Variants in LIN7B observed in about 807,000 individuals in gnomAD.
LIN7B encodes the protein lin-7 cell polarity scaffold B.
Under a neutral mutation model 27.9 loss-of-function variants are expected in LIN7B, and 16 were observed. The ratio of observed to expected loss-of-function variants is 0.57; its 90% CI spans 0.39 to 0.87. The LOEUF (loss-of-function observed/expected upper bound fraction) is 0.87, where lower values mean the gene tolerates loss of function less well. LIN7B is among the 40% of genes least tolerant of loss of function. The pLI is 0.00. For missense variants in LIN7B, 291 were observed against 288.5 expected (o/e 1.01, Z -0.06); for synonymous variants, 147 against 120.8 (o/e 1.22, Z -1.42).
In LIN7B at chr19:49,114,431, G is replaced by A; in HGVS notation, c.27G>A (p.Gly9=). 1 of 1,207,526 alleles carries A rather than the reference G, an allele frequency of 8.3e-7. No homozygotes were observed. The highest frequency in any genetic ancestry group is 3.4e-5 in the East Asian group (1 of 29,294). The allele number at this position is 1,207,526 out of a possible 1,614,324, so 74.8% of individuals were successfully genotyped here. A position where few individuals can be genotyped will look rare whatever the true frequency, so the allele number is the denominator to read the frequency against. The change falls in exon 1 of 6, where the codon GGG becomes GGA. Residue 9 remains glycine (G), a synonymous_variant. Coordinates refer to ENST00000221459, the MANE Select transcript of LIN7B (RefSeq NM_022165.3). The part of the protein sequence containing the change: MAALVEPL[G]LERDVSRAVE... ...TGGCTGCGCTGGTGGAGCCGCTGGG[G>A]CTGGAGCGGGGTAAGCGTGCGCCAG...
At chr19:49,115,088 G>C (rs919339721) in intron 2 of LIN7B, 121 bp downstream of exon 2, 3 of 888,352 alleles carry the variant, frequency 3.4e-6, no homozygotes, top group Admixed American at 3.7e-5. Context: ...CCGCCTTGGG[G>C]TGCCAACGCT....
chr19:49,115,623 G>A, intron 3 of LIN7B: 2 of 295,552 alleles, frequency 6.8e-6, no homozygotes, highest in South Asian at 1.1e-4. Flanking sequence ...ACAATAGTTA[G>A]ATGCTGCTAC....
At chr19:49,118,044 T>C (rs751781490) in intron 5 of LIN7B, 26 bp downstream of exon 5, 2 of 1,612,402 alleles carry the variant, frequency 1.2e-6, no homozygotes, top group South Asian at 2.2e-5. Flanking sequence ...ACCACACCCC[T>C]GGGGCCTCCA....
At chr19:49,115,118 G>A (rs1047572465) in intron 2 of LIN7B, 142 bp from the exon 3 acceptor site, 7 of 917,686 alleles carry the variant, frequency 7.6e-6, no homozygotes, top group Non-Finnish European at 9.4e-6. Flanking sequence ...GGGTTCTTCG[G>A]GAGTTGTAGT....
intron 4 of LIN7B, 129 bp downstream of exon 4, chr19:49,116,601 C>T (rs542533544): frequency 4.5e-6 from 4 of 882,222 alleles, no homozygotes; most frequent in Non-Finnish European, 6.9e-6. Context: ...GGCAATGTTA[C>T]AGACTCTGAG....
rs1338856819 is a variant in LIN7B, at chr19:49,114,868, G to A, written c.57G>A (p.Glu19=). 6.8e-7 allele frequency: 1 copy of A among 1,469,232 alleles called. No homozygotes were observed. The highest frequency in any genetic ancestry group is 2.4e-5 in the Admixed American group (1 of 41,582). 91.0% of individuals were successfully genotyped at this position (1,469,232 alleles called of 1,614,324 possible). ...GLERDVSRAV[E]LLERLQRSGE... ...CCGCAGACGTGTCCCGGGCGGTTGA[G>A]CTCCTCGAGCGGCTCCAGCGCAGCG... The change falls in exon 2 of 6, where the codon GAG becomes GAA. Residue 19 remains glutamate (E), a synonymous_variant. Transcript: ENST00000221459.
chr19:49,117,782 G>T, intron 4 of LIN7B, 73 bp from the exon 5 acceptor site: 1 of 1,365,314 alleles, frequency 7.3e-7, no homozygotes, highest in Non-Finnish European at 1.0e-6. Flanking sequence ...ACTAGCAGTG[G>T]GTCCCATCTC....
rs1445787894 is a variant in LIN7B, at chr19:49,116,459, C to T, written c.425C>T (p.Ser142Leu). The change falls in exon 4 of 6, where the codon TCG becomes TTG. Residue 142 changes from serine (S) to leucine (L), a missense_variant. Transcript: ENST00000221459. ...CTCAAGCGTGGGGATCAACTGTTGT[C>T]GGTGAACGGTGTGGTGAGTGGAGGG... ...GGLKRGDQLLSVNGVSVEGEQ... is the reference protein window; with the variant it reads ...GGLKRGDQLLLVNGVSVEGEQ... The T allele has an allele frequency of 3.4e-5, 55 of 1,613,910 alleles. No individual in the cohort carries two copies. Among genetic ancestry groups the T allele is most frequent in the African/African-American group, 9.3e-5 (7 of 75,054 alleles).
intron 2 of LIN7B, 133 bp from the exon 3 acceptor site, chr19:49,115,126 AG>A: frequency 6.5e-6 from 6 of 928,832 alleles, no homozygotes; most frequent in Non-Finnish European, 9.2e-6. Context: ...CGGGAGTTGT[AG>A]TTTTCTCGGC....
intron 3 of LIN7B, 191 bp from the exon 4 acceptor site, chr19:49,116,072 C>A: frequency 1.8e-6 from 1 of 564,992 alleles, no homozygotes; most frequent in Non-Finnish European, 3.1e-6. Context: ...CAAATGGACA[C>A]TTTCTCTTGC....
Position 49,117,927 on chromosome 19 carries a change from G to C in LIN7B, c.511G>C (p.Val171Leu), listed in dbSNP as rs569310243. ...GGCCCAGGGCTCGGTGAAGCTGGTTGTCCGTTACACACCGCGAGTGCTGGA... is the reference window on the plus strand; with the variant it reads ...GGCCCAGGGCTCGGTGAAGCTGGTTCTCCGTTACACACCGCGAGTGCTGGA... ...KAAQGSVKLV[V>L]RYTPRVLEEM... is the part of the protein sequence containing the mutation. The change falls in exon 5 of 6, where the codon GTC becomes CTC. Residue 171 changes from valine to leucine, a missense_variant. Transcript: ENST00000221459. The C allele has an allele frequency of 1.4e-5, 23 of 1,614,124 alleles. No individual in the cohort carries two copies. In the South Asian group the frequency reaches 2.4e-4, roughly 17 times the overall value.
At position 49,118,414 on chromosome 19, in the gene LIN7B, C is replaced by G. The variant is rs1568429685; in HGVS notation, c.*41C>G. ...CGTTCACGTGCACTCTCTTCCTGTA[C>G]AGTATTTATTGTTCCTGGCACTTTA... On this transcript the variant is annotated 3_prime_UTR_variant, in exon 6 of 6. Coordinates refer to ENST00000221459, the MANE Select transcript of LIN7B (RefSeq NM_022165.3). The G allele has an allele frequency of 6.2e-6, 10 of 1,609,500 alleles. No individual in the cohort carries two copies. The highest frequency in any genetic ancestry group is 8.5e-6 in the Non-Finnish European group (10 of 1,175,764).
Position 49,117,972 on chromosome 19 carries a change from G to GAGA in LIN7B, c.560_562dup (p.Lys187dup). 6.2e-7 allele frequency: 1 copy of GAGA among 1,614,062 alleles called. No individual in the cohort carries two copies. The highest frequency in any genetic ancestry group is 8.5e-7 in the Non-Finnish European group (1 of 1,179,964). On this transcript the variant is annotated inframe_insertion, in exon 5 of 6. Transcript: ENST00000221459. ...GCTGGAGGAGATGGAGGCCCGGTTC[G>GAGA]AGAAGATGCGCTCTGCCCGCCGGCG...
intron 2 of LIN7B, 45 bp downstream of exon 2, chr19:49,115,012 C>G (rs777897649): frequency 8.5e-6 from 8 of 941,250 alleles, no homozygotes; most frequent in Middle Eastern, 2.4e-4. Context: ...GGCCGTCGTC[C>G]TCCTCCTCCT....
At position 49,118,338 on chromosome 19, in the gene LIN7B, C is replaced by T; in HGVS notation, c.603-14C>T. The T allele has an allele frequency of 1.2e-6, 2 of 1,614,156 alleles. No individual in the cohort carries two copies. The highest frequency in any genetic ancestry group is 8.5e-7 in the Non-Finnish European group (1 of 1,179,978). ...CCTCCCTGATCCCGGGTCCCTTGTCCACCCCCCTTGCAGGTCCTTGGAGTC... is the reference window on the plus strand; with the variant it reads ...CCTCCCTGATCCCGGGTCCCTTGTCTACCCCCCTTGCAGGTCCTTGGAGTC... On this transcript the variant is annotated splice_polypyrimidine_tract_variant and intron_variant, in intron 5 of 5. Transcript: ENST00000221459.
chr19:49,118,397 T>C lies in LIN7B; in HGVS notation c.*24T>C, dbSNP rs1418825788. On this transcript the variant is annotated 3_prime_UTR_variant, in exon 6 of 6. Transcript: ENST00000221459. The stretch of plus-strand genomic sequence containing the variant: ...GAAACCACAGATCTGGACGTTCACG[T>C]GCACTCTCTTCCTGTACAGTATTTA... The C allele has an allele frequency of 6.2e-7, 1 of 1,613,194 alleles. No individual in the cohort carries two copies.
intron 3 of LIN7B, 62 bp downstream of exon 3, chr19:49,115,393 C>G (rs1243126838): frequency 7.3e-7 from 1 of 1,370,920 alleles, no homozygotes. Flanking sequence ...CTCAATATCT[C>G]CTTCATGCCA....
chr19:49,117,628 C>T (rs544403706), intron 4 of LIN7B, among the ~76,000 whole-genome samples: 9 of 152,034 alleles, frequency 5.9e-5, no homozygotes, highest in African/African-American at 1.2e-4. Flanking sequence ...TGGGTCTGGA[C>T]GTTTGGCCAG....
rs1600312923 is a variant in LIN7B, at chr19:49,118,432, G to A, written c.*59G>A. 6.3e-7 allele frequency: 1 copy of A among 1,599,978 alleles called. No individual in the cohort carries two copies. Among genetic ancestry groups the A allele is most frequent in the East Asian group, 2.2e-5 (1 of 44,830 alleles). ...TCCTGTACAGTATTTATTGTTCCTG[G>A]CACTTTATTTAAAGATATTTGACCC... On this transcript the variant is annotated 3_prime_UTR_variant, in exon 6 of 6. Coordinates refer to ENST00000221459, the MANE Select transcript of LIN7B (RefSeq NM_022165.3).
Sources: allele counts gnomAD v4.1 joint callset (sites outside exome capture counted in the v4.1 genomes callset), GRCh38; gene constraint gnomAD v4.1.1; transcripts MANE v1.5; gene names NCBI Gene and HGNC (gene_info 2026-07-23, HGNC 2026-07-21).